Variants in ADCY3 observed in about 807,000 individuals in gnomAD.
ADCY3 encodes adenylate cyclase 3, also known as adenylate cyclase type 3.
A neutral mutation model predicts 119.4 loss-of-function variants in ADCY3; 70 were observed. The observed-to-expected ratio is 0.59, with a 90% CI of 0.48 to 0.72. The LOEUF is 0.72. Ranked by LOEUF, ADCY3 falls within the 30% of genes least tolerant of loss-of-function variation. The pLI, the probability that ADCY3 is intolerant of heterozygous loss-of-function variation, is 0.00. For missense variants in ADCY3, 1,238 were observed against 1,541.6 expected, an observed-to-expected ratio of 0.80 and a Z score of 3.30; for synonymous variants, 672 against 621.4, an observed-to-expected ratio of 1.08 and a Z score of -1.21.
At position 24,878,589 on chromosome 2, in the gene ADCY3, A is replaced by G. The variant is rs1676002831; in HGVS notation, c.676-5870T>C. The stretch of plus-strand genomic sequence containing the variant: ...CCAGCCGCACGGGAAACTCGTCATT[A>G]AAACTTACTCAGATGCTTTAGGAAA... On this transcript the variant is annotated intron_variant, in intron 2 of 21. Coordinates refer to ENST00000679454, the MANE Select transcript of ADCY3 (RefSeq NM_004036.5). This position sits in a 1 kb window ranked among gnomAD's most constrained non-coding sequence, Gnocchi z 4.0. 6.6e-6 allele frequency among the ~76,000 whole-genome samples: 1 copy of G among 151,958 alleles called. No individual in the cohort carries two copies. The highest frequency in any genetic ancestry group is 1.5e-5 in the Non-Finnish European group (1 of 67,986).
At chr2:24,881,153 C>T (rs1676355575) in intron 2 of ADCY3, among the ~76,000 whole-genome samples, 1 of 152,172 alleles carries the variant, frequency 6.6e-6, no homozygotes, top group South Asian at 2.1e-4. Flanking sequence ...GTGCTTCTCC[C>T]GTCACCAGAA....
chr2:24,914,132 C>T (rs868410212), intron 2 of ADCY3, among the ~76,000 whole-genome samples: 1 of 152,236 alleles, frequency 6.6e-6, no homozygotes, highest in Non-Finnish European at 1.5e-5. Context: ...GGGCAGGACC[C>T]AGGCCAGGGG....
At chr2:24,862,209 C>T (rs1332859045) in intron 3 of ADCY3, among the ~76,000 whole-genome samples, 1 of 152,066 alleles carries the variant, frequency 6.6e-6, no homozygotes, top group Admixed American at 6.5e-5. Flanking sequence ...ACGTGCAAGG[C>T]CTGTCCCAGG....
chr2:24,840,284 G>GAGCCCC (rs1553340190), intron 6 of ADCY3, among the ~76,000 whole-genome samples: 1 of 152,218 alleles, frequency 6.6e-6, no homozygotes, highest in Non-Finnish European at 1.5e-5. Flanking sequence ...AGGGGCCTCA[G>GAGCCCC]TTTCTCTCTG....
intron 2 of ADCY3, among the ~76,000 whole-genome samples, chr2:24,913,717 A>G (rs1664087724): frequency 6.6e-6 from 1 of 152,206 alleles, no homozygotes; most frequent in African/African-American, 2.4e-5. Flanking sequence ...AGCTCCCTCC[A>G]GCCCCTAGGA....
Position 24,820,023 on chromosome 2 carries a change from A to C in ADCY3, c.3344T>G (p.Leu1115Arg). Residue 1115 changes from leucine to arginine, a missense_variant, in exon 22 of 22, where the codon CTG becomes CGG. By Grantham distance (102) the Leu-to-Arg change is moderately radical. Coordinates refer to ENST00000679454, the MANE Select transcript of ADCY3 (RefSeq NM_004036.5). ...PIFVKGKGEL[L>R]TFFLKGRDKL... ...ATCCCGCCCCTTCAAGAAGAAGGTC[A>C]GCAGCTCCCCCTTCCCCTTCACAAA... The C allele has an allele frequency of 6.2e-7, 1 of 1,612,096 alleles. No homozygotes were observed. The highest frequency in any genetic ancestry group is 8.5e-7 in the Non-Finnish European group (1 of 1,179,102).
chr2:24,874,152 C>A (rs1016270983), intron 2 of ADCY3, among the ~76,000 whole-genome samples: 1 of 152,162 alleles, frequency 6.6e-6, no homozygotes, highest in African/African-American at 2.4e-5. Flanking sequence ...CCACCACACC[C>A]GGCAGAATGT....
rs773550365 is a variant in ADCY3 at position 24,898,313 on chromosome 2, G to A, written c.675+20000C>T. Among the ~76,000 whole-genome samples the A allele has an allele frequency of 1.3e-4, 20 of 152,020 alleles. No homozygotes were observed. The highest frequency in any genetic ancestry group is 1.9e-4 in the East Asian group (1 of 5,174). ...GCTCGAGGACCGCCTTTCCATCACC[G>A]TGGGGTGAGCCCCACCCTCGCACCG... On this transcript the variant is annotated intron_variant, in intron 2 of 21. Transcript: ENST00000679454. The surrounding 1 kb of genome is among the most constrained non-coding windows in gnomAD (Gnocchi z 4.3).
Position 24,819,967 on chromosome 2 carries a change from C to T in ADCY3, c.3400G>A (p.Val1134Ile), listed in dbSNP as rs757959559. 1.9e-6 allele frequency: 3 copies of T among 1,613,842 alleles called. No homozygotes were observed. In the South Asian group the frequency reaches 3.3e-5, roughly 18 times the overall value. Residue 1134 changes from valine to isoleucine, a missense_variant, in exon 22 of 22, where the codon GTC becomes ATC. By Grantham distance (29) the Val-to-Ile change is conservative (BLOSUM62 3). Around this residue, in one of 7 missense-constraint regions of ADCY3, gnomAD observed 86 missense variants for 70.7 expected, o/e 1.22. Coordinates refer to ENST00000679454, the MANE Select transcript of ADCY3 (RefSeq NM_004036.5). ...KLATFPNGPS[V>I]TLPHQVVDNS is the part of the protein sequence containing the mutation. ...TCCACCACCTGGTGGGGCAGTGTGACAGAGGGGCCATTGGGGAAGGTGGCT... is the reference window on the plus strand; with the variant it reads ...TCCACCACCTGGTGGGGCAGTGTGATAGAGGGGCCATTGGGGAAGGTGGCT...
rs374876809 is a variant in ADCY3 at position 24,838,873 on chromosome 2, C to T, written c.1356-251G>A. On this transcript the variant is annotated intron_variant, in intron 7 of 21. Transcript: ENST00000679454. ...CCCATCTCAGCCTCAGTGTTGGAGC[C>T]ACGACACAGGAGTACAATCTTTCTT... 6.1e-5 allele frequency: 97 copies of T among 1,600,172 alleles called. No homozygotes were observed. The African/African-American group carries it at 1.2e-3, about 21-fold the overall frequency.
intron 2 of ADCY3, among the ~76,000 whole-genome samples, chr2:24,874,647 C>T (rs928488449): frequency 6.6e-6 from 1 of 152,130 alleles, no homozygotes; most frequent in African/African-American, 2.4e-5. Context: ...GGAAGTGAGG[C>T]GGACAAAGAC....
At chr2:24,865,489 C>CTCTCTGTG (rs1300615146) in intron 3 of ADCY3, among the ~76,000 whole-genome samples, 1 of 140,428 alleles carries the variant, frequency 7.1e-6, no homozygotes, top group African/African-American at 2.6e-5. Flanking sequence ...AGGCTATCAT[C>CTCTCTGTG]TGTGTGTGTG....
intron 2 of ADCY3, among the ~76,000 whole-genome samples, chr2:24,905,843 T>C (rs1679387584): frequency 6.6e-6 from 1 of 152,186 alleles, no homozygotes; most frequent in African/African-American, 2.4e-5. Flanking sequence ...GTTAAATAAC[T>C]TACCCCAGAT....
chr2:24,863,431 C>T (rs1346898149), intron 3 of ADCY3, among the ~76,000 whole-genome samples: 2 of 152,228 alleles, frequency 1.3e-5, no homozygotes, highest in Admixed American at 6.5e-5. Flanking sequence ...TCTCCTTGCT[C>T]TTACCTGCAG....
At position 24,833,180 on chromosome 2, in the gene ADCY3, G is replaced by C. The variant is rs1669826802; in HGVS notation, c.1967+1305C>G. Among the ~76,000 whole-genome samples, 3 of 152,196 alleles carry C rather than the reference G, an allele frequency of 2.0e-5. No individual in the cohort carries two copies. The South Asian group carries it at 6.2e-4, about 31-fold the overall frequency. ...CCTCTCCAGGCATATGTCACAACAGGGGACTCCTCTGCTCCCTTGTTCTGG... is the reference window on the plus strand; with the variant it reads ...CCTCTCCAGGCATATGTCACAACAGCGGACTCCTCTGCTCCCTTGTTCTGG... On this transcript the variant is annotated intron_variant, in intron 11 of 21. Transcript: ENST00000679454.
Position 24,841,530 on chromosome 2 carries a change from A to AGAGCCAGGCG in ADCY3, c.1068+16_1068+25dup. On this transcript the variant is annotated intron_variant, in intron 5 of 21. Coordinates refer to ENST00000679454, the MANE Select transcript of ADCY3 (RefSeq NM_004036.5). This position sits in a 1 kb window ranked among gnomAD's most constrained non-coding sequence, Gnocchi z 5.8. ...AGGCCATGAGGGCAGGCCCCGCTGG[A>AGAGCCAGGCG]GAGCCAGGCGGGGCCAGGGACTTAC... The AGAGCCAGGCG allele has an allele frequency of 6.2e-7, 1 of 1,601,022 alleles. No individual in the cohort carries two copies. The highest frequency in any genetic ancestry group is 8.5e-7 in the Non-Finnish European group (1 of 1,171,070).
At chr2:24,864,577 G>A (rs1235590274) in intron 3 of ADCY3, among the ~76,000 whole-genome samples, 1 of 152,208 alleles carries the variant, frequency 6.6e-6, no homozygotes, top group African/African-American at 2.4e-5. Context: ...CGACACAGAA[G>A]AACCTTGAAG....
chr2:24,834,417 G>GC lies in ADCY3; in HGVS notation c.1967+67dup. The GC allele has an allele frequency of 2.1e-6, 3 of 1,395,358 alleles. No homozygotes were observed. Among genetic ancestry groups the GC allele is most frequent in the Non-Finnish European group, 1.9e-6 (2 of 1,029,080 alleles). The allele number at this position is 1,395,358 out of a possible 1,614,324, so 86.4% of individuals were successfully genotyped here. A position where few individuals can be genotyped will look rare whatever the true frequency, so the allele number is the denominator to read the frequency against. On this transcript the variant is annotated intron_variant, in intron 11 of 21. Transcript: ENST00000679454. This position sits in a 1 kb window ranked among gnomAD's most constrained non-coding sequence, Gnocchi z 4.2. ...ATGTCAGGCTCCCGCTGAGACACCT[G>GC]CCCCCGCCCCCCGCCCGGCACCACC...
intron 2 of ADCY3, among the ~76,000 whole-genome samples, chr2:24,895,384 A>G (rs1678135891): frequency 1.3e-5 from 2 of 151,938 alleles, no homozygotes; most frequent in Non-Finnish European, 2.9e-5. Flanking sequence ...ACCACGCCTG[A>G]CCAATTCTCT....
Sources: allele counts gnomAD v4.1 joint callset (sites outside exome capture counted in the v4.1 genomes callset), GRCh38; gene constraint gnomAD v4.1.1; regional missense constraint gnomAD v4.1.1; non-coding constraint Gnocchi (gnomAD v3.1); transcripts MANE v1.5; gene names NCBI Gene and HGNC (gene_info 2026-07-23, HGNC 2026-07-21).